FHIP1A: variants seen among roughly 807,000 people sequenced by gnomAD.
FHIP1A encodes the protein FHF complex subunit HOOK interacting protein 1A.
Under a neutral mutation model 88.6 loss-of-function variants are expected in FHIP1A, and 61 were observed. The ratio of observed to expected loss-of-function variants is 0.69; its 90% CI spans 0.56 to 0.85. The LOEUF (loss-of-function observed/expected upper bound fraction) is 0.85, where lower values mean the gene tolerates loss of function less well. Among genes scored for constraint, FHIP1A ranks in the 40% least tolerant of loss-of-function variants. The pLI, the probability that FHIP1A is intolerant of heterozygous loss-of-function variation, is 0.00. For missense variants in FHIP1A, 1,154 were observed against 1,273.5 expected, an observed-to-expected ratio of 0.91 and a Z score of 1.43; for synonymous variants, 478 against 496.0, an observed-to-expected ratio of 0.96 and a Z score of 0.48.
intron 1 of FHIP1A, among the ~76,000 whole-genome samples, chr4:151,441,218 A>T (rs1171913661): frequency 2.6e-5 from 4 of 152,196 alleles, no homozygotes; most frequent in African/African-American, 9.6e-5. Flanking sequence ...GCTAAAGCAA[A>T]ACCCACAAAA....
intron 2 of FHIP1A, among the ~76,000 whole-genome samples, chr4:151,464,135 C>T (rs1729227354): frequency 6.6e-6 from 1 of 152,174 alleles, no homozygotes; most frequent in African/African-American, 2.4e-5. Context: ...CAGCAGTCCT[C>T]CTGCCTCACC....
intron 1 of FHIP1A, among the ~76,000 whole-genome samples, chr4:151,415,171 A>G (rs921331187): frequency 2.0e-5 from 3 of 151,182 alleles, no homozygotes; most frequent in Non-Finnish European, 1.5e-5. Context: ...TTGAATAGAT[A>G]TAGTTTTTTT....
intron 2 of FHIP1A, among the ~76,000 whole-genome samples, chr4:151,455,748 A>G (rs1161773712): frequency 1.3e-5 from 2 of 152,232 alleles, no homozygotes; most frequent in Non-Finnish European, 2.9e-5. Context: ...TTCTGAAGGC[A>G]AAGAGGCAGA....
chr4:151,589,188 A>T (rs187729307), intron 7 of FHIP1A, among the ~76,000 whole-genome samples: 219 of 152,190 alleles, frequency 1.4e-3, no homozygotes, highest in Non-Finnish European at 2.6e-3. Context: ...ATAGACTCTG[A>T]CTCTGCCTGT....
chr4:151,515,387 G>T (rs1203652151), intron 3 of FHIP1A, among the ~76,000 whole-genome samples: 1 of 150,774 alleles, frequency 6.6e-6, no homozygotes, highest in East Asian at 1.9e-4. Flanking sequence ...CCTTTGAAAA[G>T]TGGCACAAGA....
rs569142080 is a variant in FHIP1A at position 151,583,147 on chromosome 4, C to G, written c.733-3494C>G. Among the ~76,000 whole-genome samples, 14 of 152,294 alleles carry G rather than the reference C, an allele frequency of 9.2e-5. No individual in the cohort carries two copies. The South Asian group carries it at 2.9e-3, about 32-fold the overall frequency. ...TCTGTGTTCTAGAAATATGTGCAGT[C>G]TGGGTGAATGAATCTGAACTCTGAG... is the stretch of plus-strand genomic sequence containing the variant. On this transcript the variant is annotated intron_variant, in intron 5 of 13. Coordinates refer to ENST00000435205, the MANE Select transcript of FHIP1A (RefSeq NM_001109977.3).
intron 8 of FHIP1A, among the ~76,000 whole-genome samples, chr4:151,638,107 T>C (rs1158540935): frequency 6.6e-6 from 1 of 152,140 alleles, no homozygotes; most frequent in African/African-American, 2.4e-5. Flanking sequence ...AAGAACTTTT[T>C]AGAAAAGAAC....
chr4:151,579,559 T>A (rs112633475), intron 5 of FHIP1A, among the ~76,000 whole-genome samples: 193 of 152,316 alleles, frequency 1.3e-3, no homozygotes, highest in Non-Finnish European at 1.8e-3. Flanking sequence ...TTCAGGTGGT[T>A]CACTTGATCA....
chr4:151,593,249 C>CT (rs71616261), intron 7 of FHIP1A, among the ~76,000 whole-genome samples: 2 of 152,124 alleles, frequency 1.3e-5, no homozygotes, highest in Non-Finnish European at 2.9e-5. Context: ...TAAACAAGCT[C>CT]TTTTTTGGTT....
At chr4:151,481,636 G>A (rs954968172) in intron 2 of FHIP1A, among the ~76,000 whole-genome samples, 1 of 152,032 alleles carries the variant, frequency 6.6e-6, no homozygotes, top group South Asian at 2.1e-4. Context: ...CTACTCCATA[G>A]GCAGAGCAGC....
At chr4:151,595,329 T>C (rs755178915) in intron 7 of FHIP1A, among the ~76,000 whole-genome samples, 24 of 152,188 alleles carry the variant, frequency 1.6e-4, no homozygotes, top group Non-Finnish European at 3.1e-4. Flanking sequence ...CATGTAGTTG[T>C]GTGGTTTTGA....
At chr4:151,429,848 CAA>C (rs34699507) in intron 1 of FHIP1A, among the ~76,000 whole-genome samples, 30,957 of 104,618 alleles carry the variant, frequency 0.3, 3,605 homozygotes, top group Non-Finnish European at 0.37. Flanking sequence ...GACTCTATCT[CAA>C]AAAAAAAAAA....
chr4:151,505,550 C>T (rs938796908), intron 3 of FHIP1A, among the ~76,000 whole-genome samples: 4 of 152,160 alleles, frequency 2.6e-5, no homozygotes, highest in Non-Finnish European at 4.4e-5. Flanking sequence ...AGCAATCTGC[C>T]ACTCAGATGA....
At chr4:151,503,893 C>T (rs547992401) in intron 3 of FHIP1A, among the ~76,000 whole-genome samples, 15 of 152,274 alleles carry the variant, frequency 9.9e-5, no homozygotes, top group African/African-American at 3.4e-4. Flanking sequence ...AATTCTGTTC[C>T]CATCCTTAGG....
At chr4:151,543,225 C>T (rs1308275775) in intron 3 of FHIP1A, among the ~76,000 whole-genome samples, 1 of 152,146 alleles carries the variant, frequency 6.6e-6, no homozygotes, top group Non-Finnish European at 1.5e-5. Flanking sequence ...AAGATTTGAA[C>T]CTAGGAAATC....
intron 3 of FHIP1A, among the ~76,000 whole-genome samples, chr4:151,544,455 C>T (rs2126732705): frequency 6.6e-6 from 1 of 152,246 alleles, no homozygotes; most frequent in South Asian, 2.1e-4. Flanking sequence ...ACTGATTAAC[C>T]TCACCAAACA....
chr4:151,516,113 A>G lies in FHIP1A; in HGVS notation c.-123+33465A>G, dbSNP rs556872097. 8.1e-4 allele frequency among the ~76,000 whole-genome samples: 123 copies of G among 152,356 alleles called. 2 individuals carry two copies. The South Asian group carries it at 0.024, about 30-fold the overall frequency. ...GGTACCAAAACAGAGATGTAGATCA[A>G]TGGAAGAGAACAGAGCCCTCAGAAA... On this transcript the variant is annotated intron_variant, in intron 3 of 13. Transcript: ENST00000435205.
chr4:151,524,706 T>C (rs1426229640), intron 3 of FHIP1A, among the ~76,000 whole-genome samples: 1 of 152,184 alleles, frequency 6.6e-6, no homozygotes, highest in East Asian at 1.9e-4. Flanking sequence ...TAATTTGACA[T>C]ATGAAGCAGT....
intron 1 of FHIP1A, among the ~76,000 whole-genome samples, chr4:151,413,190 G>A (rs139033685): frequency 5.7e-4 from 87 of 152,278 alleles, no homozygotes; most frequent in African/African-American, 2.0e-3. Flanking sequence ...GGGAAGTGGC[G>A]TAGGTGAATA....
Sources: allele counts gnomAD v4.1 joint callset (sites outside exome capture counted in the v4.1 genomes callset), GRCh38; gene constraint gnomAD v4.1.1; transcripts MANE v1.5; gene names NCBI Gene and HGNC (gene_info 2026-07-23, HGNC 2026-07-21).